GOLGA5: variants seen among roughly 807,000 people sequenced by gnomAD.
The protein encoded by GOLGA5 is golgin A5.
GOLGA5 carries 50 observed loss-of-function variants against 93.5 expected under a neutral mutation model. The ratio of observed to expected loss-of-function variants is 0.53; its 90% CI spans 0.43 to 0.68. The LOEUF (loss-of-function observed/expected upper bound fraction) is 0.68. GOLGA5 is among the 30% of genes least tolerant of loss of function. The pLI is 0.00. For missense variants in GOLGA5, 760 were observed against 856.4 expected (o/e 0.89, Z 1.40); for synonymous variants, 312 against 304.5 (o/e 1.02, Z -0.26).
intron 12 of GOLGA5, among the ~76,000 whole-genome samples, chr14:92,838,692 CGTG>C (rs1304895580): frequency 6.6e-6 from 1 of 151,920 alleles, no homozygotes; most frequent in Admixed American, 6.6e-5. Flanking sequence ...AGAAGGAAAG[CGTG>C]GGGAGTACAA....
intron 12 of GOLGA5, among the ~76,000 whole-genome samples, chr14:92,838,481 C>T (rs989303725): frequency 6.6e-6 from 1 of 152,056 alleles, no homozygotes; most frequent in Non-Finnish European, 1.5e-5. Flanking sequence ...GATTCTCCTG[C>T]CTCAGCCTGC....
intron 2 of GOLGA5, among the ~76,000 whole-genome samples, chr14:92,799,608 T>TTTA (rs1884823468): frequency 6.7e-6 from 1 of 150,140 alleles, no homozygotes; most frequent in African/African-American, 2.5e-5. Context: ...TATTTATTTA[T>TTTA]TTATTTATTT....
chr14:92,802,723 A>G (rs1020565258), intron 2 of GOLGA5, among the ~76,000 whole-genome samples: 1 of 149,676 alleles, frequency 6.7e-6, no homozygotes, highest in African/African-American at 2.4e-5. Context: ...ATAGTATACA[A>G]ATCAATTTAT....
chr14:92,836,706 C>CT (rs1162535115), intron 11 of GOLGA5, among the ~76,000 whole-genome samples: 5 of 152,210 alleles, frequency 3.3e-5, no homozygotes, highest in Middle Eastern at 6.8e-3. Flanking sequence ...CAACCAGACT[C>CT]TTTTTTTCCC....
intron 9 of GOLGA5, among the ~76,000 whole-genome samples, chr14:92,828,324 A>T (rs1200569394): frequency 6.6e-6 from 1 of 152,224 alleles, no homozygotes; most frequent in Non-Finnish European, 1.5e-5. Context: ...TAAGACCCTT[A>T]AGAATGATGG....
chr14:92,799,443 A>ATTT (rs386382181), intron 2 of GOLGA5, among the ~76,000 whole-genome samples: 9,516 of 131,136 alleles, frequency 0.073, 519 homozygotes, highest in Middle Eastern at 0.12. Context: ...CGCCTGGCTA[A>ATTT]TTTTTTTTTT....
At chr14:92,824,517 TTC>T (rs1450943324) in intron 8 of GOLGA5, 27 bp from the exon 9 acceptor site, 3 of 1,203,290 alleles carry the variant, frequency 2.5e-6, no homozygotes, top group Non-Finnish European at 3.7e-6. Flanking sequence ...CTTATTTCGC[TTC>T]TGTTTTGTTT....
Position 92,797,554 on chromosome 14 carries a change from T to TA in GOLGA5, c.118dup (p.Thr40AsnfsTer2), listed in dbSNP as rs768007764. ...ATGCCAGCAACATATATAGCAAAAATACTGACTATACTGAACTTCACCAGC... is the reference window on the plus strand; with the variant it reads ...ATGCCAGCAACATATATAGCAAAAATAACTGACTATACTGAACTTCACCAGC... On this transcript the variant is annotated frameshift_variant, in exon 2 of 13. Coordinates refer to ENST00000163416, the MANE Select transcript of GOLGA5 (RefSeq NM_005113.4). LOFTEE classifies it high-confidence loss of function. 1.2e-6 allele frequency: 2 copies of TA among 1,613,336 alleles called. No homozygotes were observed. Among genetic ancestry groups the TA allele is most frequent in the Non-Finnish European group, 1.7e-6 (2 of 1,179,326 alleles).
Position 92,839,428 on chromosome 14 carries a change from C to G in GOLGA5, c.2178C>G (p.Asp726Glu). The G allele has an allele frequency of 6.2e-7, 1 of 1,608,286 alleles. No individual in the cohort carries two copies. Among genetic ancestry groups the G allele is most frequent in the South Asian group, 1.1e-5 (1 of 91,008 alleles). The change falls in exon 13 of 13, where the codon GAC becomes GAG. Residue 726 changes from aspartate (D) to glutamate (E), a missense_variant. Coordinates refer to ENST00000163416, the MANE Select transcript of GOLGA5 (RefSeq NM_005113.4). Reference protein sequence around the residue: ...LLTYTPEMHHDQPYGK With the variant: ...LLTYTPEMHHEQPYGK ...CTTACACACCAGAAATGCACCACGA[C>G]CAACCATATGGCAAATGAACCAAGC...
At chr14:92,813,165 TCTC>T (rs1204984856) in intron 6 of GOLGA5, among the ~76,000 whole-genome samples, 2 of 152,194 alleles carry the variant, frequency 1.3e-5, no homozygotes, top group African/African-American at 4.8e-5. Flanking sequence ...ATCATATTGA[TCTC>T]CTCCTCAAAC....
chr14:92,826,017 G>A (rs1224236748), intron 9 of GOLGA5, among the ~76,000 whole-genome samples: 1 of 151,940 alleles, frequency 6.6e-6, no homozygotes, highest in Non-Finnish European at 1.5e-5. Context: ...TTAGGTGCAT[G>A]GTGGCACGTA....
At chr14:92,806,671 G>A (rs1884992914) in intron 2 of GOLGA5, 65 bp from the exon 3 acceptor site, 2 of 1,064,968 alleles carry the variant, frequency 1.9e-6, no homozygotes, top group Admixed American at 1.8e-5. Flanking sequence ...TCCTACCAAA[G>A]CAAGTTGTTA....
intron 2 of GOLGA5, among the ~76,000 whole-genome samples, chr14:92,798,374 C>T (rs913113836): frequency 4.6e-5 from 7 of 152,174 alleles, no homozygotes; most frequent in African/African-American, 1.7e-4. Context: ...CTGTACTTCA[C>T]GTATTTTCTG....
chr14:92,808,535 A>G (rs1303295382), intron 3 of GOLGA5, among the ~76,000 whole-genome samples: 7 of 151,906 alleles, frequency 4.6e-5, no homozygotes, highest in African/African-American at 7.3e-5. Context: ...AGGCTGAGCT[A>G]CTTTGGAGAC....
At chr14:92,799,247 G>A (rs1884807471) in intron 2 of GOLGA5, among the ~76,000 whole-genome samples, 1 of 150,630 alleles carries the variant, frequency 6.6e-6, no homozygotes. Context: ...TTATGGGCAT[G>A]ATCTACCGTG....
intron 12 of GOLGA5, among the ~76,000 whole-genome samples, chr14:92,838,465 T>C (rs1457456887): frequency 6.6e-6 from 1 of 152,054 alleles, no homozygotes. Flanking sequence ...CCTCCCAGGT[T>C]CAAGCGATTC....
chr14:92,804,960 T>C (rs1884953201), intron 2 of GOLGA5, among the ~76,000 whole-genome samples: 1 of 152,212 alleles, frequency 6.6e-6, no homozygotes, highest in Admixed American at 6.5e-5. Context: ...CTCCCATTTT[T>C]AAGTCACGTC....
Position 92,797,712 on chromosome 14 carries a change from T to C in GOLGA5, c.275T>C (p.Val92Ala), listed in dbSNP as rs1421986586. 1 of 1,614,116 alleles carries C rather than the reference T, an allele frequency of 6.2e-7. No homozygotes were observed. Residue 92 changes from valine to alanine, a missense_variant, in exon 2 of 13, where the codon GTA becomes GCA. By Grantham distance (64) the Val-to-Ala change is moderately conservative (BLOSUM62 0). Coordinates refer to ENST00000163416, the MANE Select transcript of GOLGA5 (RefSeq NM_005113.4). ...GTGAAAGTAGGATCTCGGACACCAG[T>C]AGAGGCCTCTCATCCTGTTGAAAAT... ...ANVKVGSRTP[V>A]EASHPVENAS...
intron 2 of GOLGA5, among the ~76,000 whole-genome samples, chr14:92,801,469 T>C (rs1294252268): frequency 3.3e-5 from 5 of 152,178 alleles, no homozygotes; most frequent in Non-Finnish European, 7.4e-5. Context: ...TCAACTTTTT[T>C]CTGTTAGATT....
Sources: gnomAD v4.1 joint callset for allele counts (sites outside exome capture counted in the v4.1 genomes callset) on GRCh38, gnomAD v4.1.1 for gene constraint, MANE v1.5 for transcripts, NCBI Gene and HGNC (gene_info 2026-07-23, HGNC 2026-07-21) for gene names.